FADS3: variants seen among roughly 807,000 people sequenced by gnomAD.
The protein encoded by FADS3 is fatty acid desaturase 3.
Under a neutral mutation model 60.4 loss-of-function variants are expected in FADS3, and 30 were observed. That is an observed-to-expected ratio of 0.50 (90% CI 0.37 to 0.67). The LOEUF (loss-of-function observed/expected upper bound fraction) is 0.67, where lower values mean the gene tolerates loss of function less well. Ranked by LOEUF, FADS3 falls within the 30% of genes least tolerant of loss-of-function variation. The pLI is 0.00. For synonymous variants in FADS3, 234 were observed against 249.3 expected, an observed-to-expected ratio of 0.94 and a Z score of 0.58; for missense variants, 432 against 598.3, an observed-to-expected ratio of 0.72 and a Z score of 2.90.
chr11:61,891,601 G>A, upstream of FADS3: 3 of 190,842 alleles, frequency 1.6e-5, no homozygotes, highest in Non-Finnish European at 3.2e-5. Context: ...GCCTCGCCTC[G>A]CCTGCCCCCC....
At chr11:61,878,914 T>A in intron 3 of FADS3, 67 bp from the exon 4 acceptor site, 4 of 1,370,454 alleles carry the variant, frequency 2.9e-6, no homozygotes, top group Non-Finnish European at 4.1e-6. Context: ...GGGGCCCCAG[T>A]GAATCCTTTC....
At position 61,878,597 on chromosome 11, in the gene FADS3, TG is replaced by T; in HGVS notation, c.661del (p.Gln221SerfsTer15). 1 of 1,614,118 alleles carries T rather than the reference TG, an allele frequency of 6.2e-7. No individual in the cohort carries two copies. Among genetic ancestry groups the T allele is most frequent in the Non-Finnish European group, 8.5e-7 (1 of 1,179,996 alleles). On this transcript the variant is annotated frameshift_variant, in exon 5 of 12. Coordinates refer to ENST00000278829, the MANE Select transcript of FADS3 (RefSeq NM_021727.5). LOFTEE classifies it high-confidence loss of function. ...GAAGATGTTGGGCTTGGCGTGGTGC[TG>T]GAAGTGGCGGAAGTTCCACCAGTGG... ...SAHWWNFRHF[Q>X]HHAKPNIFHK...
chr11:61,878,296 G>C (rs761666236), intron 5 of FADS3, 81 bp from the exon 6 acceptor site: 2 of 1,500,346 alleles, frequency 1.3e-6, no homozygotes. Context: ...GGCTGGCTGG[G>C]GCCAAGGGTC....
At chr11:61,883,682 G>C (rs1024224060) in intron 1 of FADS3, among the ~76,000 whole-genome samples, 9 of 152,206 alleles carry the variant, frequency 5.9e-5, no homozygotes, top group African/African-American at 2.2e-4. Flanking sequence ...CCCCATGTCA[G>C]TTCTGGGGCC....
chr11:61,891,028 A>C, intron 1 of FADS3, 141 bp downstream of exon 1: 2 of 765,182 alleles, frequency 2.6e-6, no homozygotes, highest in East Asian at 2.7e-5. Context: ...GTCCACCCCA[A>C]CTCTGGGTCC....
intron 11 of FADS3, 116 bp downstream of exon 11, chr11:61,875,735 G>A: frequency 7.9e-7 from 1 of 1,258,390 alleles, no homozygotes; most frequent in Non-Finnish European, 1.1e-6. Context: ...AAGGGCATGG[G>A]ACGTGGACAG....
At position 61,876,514 on chromosome 11, in the gene FADS3, G is replaced by T; in HGVS notation, c.984-59C>A. On this transcript the variant is annotated intron_variant, in intron 8 of 11. Transcript: ENST00000278829. This position sits in a 1 kb window ranked among gnomAD's most constrained non-coding sequence, Gnocchi z 5.7. ...GCTCACCACTTAGGCACCCTGAGTG[G>T]AGGCTGGAGAGCAGCTGTCCCCAAG... 3 of 1,379,382 alleles carry T rather than the reference G, an allele frequency of 2.2e-6. No homozygotes were observed. The highest frequency in any genetic ancestry group is 3.1e-6 in the Non-Finnish European group (3 of 968,928). The allele number at this position is 1,379,382 out of a possible 1,614,324, so 85.4% of individuals were successfully genotyped here. A position where few individuals can be genotyped will look rare whatever the true frequency, so the allele number is the denominator to read the frequency against.
Position 61,891,433 on chromosome 11 carries a change from G to A in FADS3, c.-52C>T. The A allele has an allele frequency of 7.9e-7, 1 of 1,266,806 alleles. No individual in the cohort carries two copies. The highest frequency in any genetic ancestry group is 1.0e-6 in the Non-Finnish European group (1 of 990,446). 78.5% of individuals were successfully genotyped at this position (1,266,806 alleles called of 1,614,324 possible). A position where few individuals can be genotyped will look rare whatever the true frequency, so the allele number is the denominator to read the frequency against. ...CAGGCGGTGGCCGAGGTCCGAGCAAGACCCCGAGGGAAGCGAAGAGCGCTC... is the reference window on the plus strand; with the variant it reads ...CAGGCGGTGGCCGAGGTCCGAGCAAAACCCCGAGGGAAGCGAAGAGCGCTC... On this transcript the variant is annotated 5_prime_UTR_variant, in exon 1 of 12. Transcript: ENST00000278829.
Position 61,876,290 on chromosome 11 carries a change from G to C in FADS3, c.1080+69C>G. ...GCAGCCCCGTCAGGGCCTCATCCCT[G>C]CTTTGCCATCTGGCTCCTAGCTGGG... On this transcript the variant is annotated intron_variant, in intron 9 of 11. Transcript: ENST00000278829. The surrounding 1 kb of genome is among the most constrained non-coding windows in gnomAD (Gnocchi z 5.7). 1 of 1,590,686 alleles carries C rather than the reference G, an allele frequency of 6.3e-7. No homozygotes were observed. The highest frequency in any genetic ancestry group is 8.6e-7 in the Non-Finnish European group (1 of 1,165,294).
In FADS3 at chr11:61,880,076, C is replaced by A. The variant is rs1276697249; in HGVS notation, c.289G>T (p.Ala97Ser). The A allele has an allele frequency of 6.2e-7, 1 of 1,613,968 alleles. No individual in the cohort carries two copies. The highest frequency in any genetic ancestry group is 8.5e-7 in the Non-Finnish European group (1 of 1,179,964). The change falls in exon 2 of 12, where the codon GCT becomes TCT. Residue 97 changes from alanine (A) to serine (S), a missense_variant. This residue lies in a region of FADS3 where 167 missense variants were observed against 188.8 expected (regional missense o/e 0.88). Coordinates refer to ENST00000278829, the MANE Select transcript of FADS3 (RefSeq NM_021727.5). ...CCATCCTGGCTGGGTTCTTCCGGAG[C>A]CAGCTCTCCAATCAACAGGGGCTGT... ...FLQPLLIGEL[A>S]PEEPSQDGPL...
intron 1 of FADS3, among the ~76,000 whole-genome samples, chr11:61,886,685 C>T (rs1938332234): frequency 6.6e-6 from 1 of 152,108 alleles, no homozygotes; most frequent in Non-Finnish European, 1.5e-5. Flanking sequence ...CCATTACACC[C>T]CCCAGTTTCA....
chr11:61,876,156 A>G lies in FADS3; in HGVS notation c.1115T>C (p.Phe372Ser), dbSNP rs1424148723. The G allele has an allele frequency of 6.2e-7, 1 of 1,607,948 alleles. No homozygotes were observed. Among genetic ancestry groups the G allele is most frequent in the South Asian group, 1.1e-5 (1 of 90,400 alleles). The change falls in exon 10 of 12, where the codon TTC (phenylalanine) becomes TCC (serine). Residue 372 changes from phenylalanine (F) to serine (S), a missense_variant. Transcript: ENST00000278829. This position sits in a 1 kb window ranked among gnomAD's most constrained non-coding sequence, Gnocchi z 5.7. ...GAGGTGCCCGCTGAACCAGTTGGTG[A>G]AAAGTGAGGGCTCCACGTTGCAGGT... ...AATCNVEPSL[F>S]TNWFSGHLNF...
intron 3 of FADS3, 40 bp downstream of exon 3, chr11:61,879,272 T>C: frequency 6.6e-7 from 1 of 1,523,834 alleles, no homozygotes; most frequent in Non-Finnish European, 8.9e-7. Flanking sequence ...CCCACGTCTG[T>C]TGGGCAGTTA....
rs773639586 is a variant in FADS3 at position 61,878,192 on chromosome 11, G to A, written c.771C>T (p.Tyr257=). 6.8e-6 allele frequency: 11 copies of A among 1,614,058 alleles called. No homozygotes were observed. The highest frequency in any genetic ancestry group is 9.3e-6 in the Non-Finnish European group (11 of 1,180,022). ...ACAGGTGCTGCTGGTTGTAGGGTAG[G>A]TATCTGCGTTTCTTCTTGCCATACT... is the stretch of plus-strand genomic sequence containing the variant. The part of the protein sequence containing the change: ...SVEYGKKKRR[Y]LPYNQQHLYF... The change falls in exon 6 of 12, where the codon TAC becomes TAT. Residue 257 remains tyrosine, a synonymous_variant. Coordinates refer to ENST00000278829, the MANE Select transcript of FADS3 (RefSeq NM_021727.5).
In FADS3 at chr11:61,877,209, C is replaced by A; in HGVS notation, c.886-246G>T. On this transcript the variant is annotated intron_variant, in intron 7 of 11. Transcript: ENST00000278829. This position sits in a 1 kb window ranked among gnomAD's most constrained non-coding sequence, Gnocchi z 4.7. ...GCAGGGTGTGTTGGGGAAGACCCTG[C>A]CAGGGACACAGATGCCTGGCAGAGT... The A allele has an allele frequency of 3.6e-6, 2 of 560,892 alleles. No individual in the cohort carries two copies. Among genetic ancestry groups the A allele is most frequent in the Non-Finnish European group, 6.4e-6 (2 of 313,388 alleles). The allele number at this position is 560,892 out of a possible 1,614,324, so 34.7% of individuals were successfully genotyped here.
chr11:61,891,581 G>C (rs1938521411), upstream of FADS3: 3 of 230,960 alleles, frequency 1.3e-5, no homozygotes, highest in Non-Finnish European at 2.4e-5. Context: ...TAACCGCGCG[G>C]ACGGCGCCCG....
At chr11:61,873,918 T>C (rs1048993782) in intron 11 of FADS3, 53 bp from the exon 12 acceptor site, 2 of 1,209,952 alleles carry the variant, frequency 1.7e-6, no homozygotes, top group Non-Finnish European at 2.4e-6. Flanking sequence ...AGTTGCAAGA[T>C]CCTAACACCC....
At chr11:61,887,173 A>C (rs1938345781) in intron 1 of FADS3, among the ~76,000 whole-genome samples, 1 of 152,260 alleles carries the variant, frequency 6.6e-6, no homozygotes, top group Non-Finnish European at 1.5e-5. Flanking sequence ...GAGACCCAGA[A>C]GTGAAAGGAT....
At chr11:61,889,509 T>C (rs568906388) in intron 1 of FADS3, among the ~76,000 whole-genome samples, 127 of 152,108 alleles carry the variant, frequency 8.3e-4, no homozygotes, top group South Asian at 3.7e-3. Flanking sequence ...ATGCTGGGCG[T>C]GGTGGCGCGT....
Sources: gnomAD v4.1 joint callset for allele counts (sites outside exome capture counted in the v4.1 genomes callset) on GRCh38, gnomAD v4.1.1 for gene constraint, gnomAD v4.1.1 regional missense constraint, Gnocchi (gnomAD v3.1) non-coding constraint, MANE v1.5 for transcripts, NCBI Gene and HGNC (gene_info 2026-07-23, HGNC 2026-07-21) for gene names.